Variants in LRFN5 observed in about 807,000 individuals in gnomAD.
The protein encoded by LRFN5 is leucine-rich repeat and fibronectin type-III domain-containing protein 5.
In LRFN5, 24 loss-of-function variants were observed where a neutral mutation model predicts 45.6. That is an observed-to-expected ratio of 0.53 (90% confidence interval 0.38 to 0.74). The LOEUF (loss-of-function observed/expected upper bound fraction) is 0.74. Ranked by LOEUF, LRFN5 falls within the 30% of genes least tolerant of loss-of-function variation. The pLI is 0.00. For missense variants in LRFN5, 776 were observed against 861.5 expected (o/e 0.90, Z 1.24); for synonymous variants, 340 against 313.8 (o/e 1.08, Z -0.88).
intron 1 of LRFN5, among the ~76,000 whole-genome samples, chr14:41,665,531 C>T (rs561122981): frequency 1.1e-3 from 174 of 151,834 alleles, no homozygotes; most frequent in Middle Eastern, 3.4e-3. Context: ...TATATGGGTA[C>T]GAAATTATAA....
At chr14:41,673,445 GC>G (rs1881353565) in intron 1 of LRFN5, among the ~76,000 whole-genome samples, 1 of 139,090 alleles carries the variant, frequency 7.2e-6, no homozygotes, top group African/African-American at 2.7e-5. Context: ...GGGCGGGGGG[GC>G]TGACCCCCCC....
chr14:41,665,672 C>T (rs1880862769), intron 1 of LRFN5, among the ~76,000 whole-genome samples: 1 of 151,958 alleles, frequency 6.6e-6, no homozygotes, highest in African/African-American at 2.4e-5. Flanking sequence ...ACATTTTTAA[C>T]ATAAATATAT....
At chr14:41,709,675 C>T (rs1369951396) in intron 1 of LRFN5, among the ~76,000 whole-genome samples, 1 of 152,024 alleles carries the variant, frequency 6.6e-6, no homozygotes, top group African/African-American at 2.4e-5. Context: ...ATTTTATTTA[C>T]TTGTATCTTC....
intron 4 of LRFN5, chr14:41,894,766 G>T (rs1317795638): frequency 2.0e-6 from 2 of 983,172 alleles, no homozygotes; most frequent in Non-Finnish European, 2.4e-6. Context: ...AGTAAGGTGT[G>T]GAAATAAGAA....
At chr14:41,630,049 G>T (rs1051270039) in intron 1 of LRFN5, among the ~76,000 whole-genome samples, 1 of 152,046 alleles carries the variant, frequency 6.6e-6, no homozygotes, top group African/African-American at 2.4e-5. Context: ...ACCTAGAAAG[G>T]TGCTTAAGAT....
intron 2 of LRFN5, among the ~76,000 whole-genome samples, chr14:41,851,573 A>G (rs764631661): frequency 6.6e-6 from 1 of 151,862 alleles, no homozygotes; most frequent in Admixed American, 6.6e-5. Context: ...ATTTAAATTA[A>G]ACATGTACAT....
intron 2 of LRFN5, among the ~76,000 whole-genome samples, chr14:41,835,934 A>T (rs12436629): frequency 0.49 from 58,077 of 117,598 alleles, 11,260 homozygotes; most frequent in Middle Eastern, 0.53. Context: ...CTTTTTTTTT[A>T]AAAAAAAAAA....
chr14:41,734,767 T>C (rs1385696717), intron 1 of LRFN5, among the ~76,000 whole-genome samples: 5 of 152,094 alleles, frequency 3.3e-5, no homozygotes, highest in Admixed American at 2.0e-4. Context: ...TGCATTTTGT[T>C]GAATTTCTGT....
At chr14:41,800,316 A>C (rs1887283536) in intron 2 of LRFN5, among the ~76,000 whole-genome samples, 1 of 152,106 alleles carries the variant, frequency 6.6e-6, no homozygotes, top group Admixed American at 6.6e-5. Flanking sequence ...AATGTCCTTA[A>C]GTTAAAGCTA....
chr14:41,756,284 CTG>C (rs1433392019), intron 1 of LRFN5, among the ~76,000 whole-genome samples: 2 of 152,130 alleles, frequency 1.3e-5, no homozygotes, highest in African/African-American at 4.8e-5. Flanking sequence ...GTGGCATTCT[CTG>C]TATTTACTGA....
chr14:41,858,953 A>G (rs1426943308), intron 2 of LRFN5, among the ~76,000 whole-genome samples: 1 of 152,162 alleles, frequency 6.6e-6, no homozygotes, highest in Admixed American at 6.5e-5. Context: ...GTAATGGTCT[A>G]TGTGGTCTTA....
At chr14:41,856,469 G>A (rs1365879358) in intron 2 of LRFN5, among the ~76,000 whole-genome samples, 1 of 151,832 alleles carries the variant, frequency 6.6e-6, no homozygotes, top group Non-Finnish European at 1.5e-5. Context: ...TTCCGTCAAG[G>A]AGTTAAAGCC....
intron 1 of LRFN5, among the ~76,000 whole-genome samples, chr14:41,609,898 T>C (rs1479865207): frequency 6.6e-6 from 1 of 152,200 alleles, no homozygotes; most frequent in Non-Finnish European, 1.5e-5. Context: ...TAGATATCCA[T>C]ATGATGGCAT....
At chr14:41,746,015 A>G (rs1884905264) in intron 1 of LRFN5, among the ~76,000 whole-genome samples, 1 of 152,058 alleles carries the variant, frequency 6.6e-6, no homozygotes. Flanking sequence ...GGCCACCATT[A>G]CCCTGGTAGC....
chr14:41,614,672 C>G (rs1887873233), intron 1 of LRFN5, among the ~76,000 whole-genome samples: 1 of 152,004 alleles, frequency 6.6e-6, no homozygotes, highest in Non-Finnish European at 1.5e-5. Flanking sequence ...ATTCTACCCC[C>G]CTTGGTCACA....
intron 2 of LRFN5, among the ~76,000 whole-genome samples, chr14:41,840,695 T>C (rs2139053224): frequency 6.6e-6 from 1 of 152,114 alleles, no homozygotes; most frequent in East Asian, 1.9e-4. Context: ...TATTATTTTA[T>C]AGGCCAGCTG....
At chr14:41,646,488 T>G (rs1879825221) in intron 1 of LRFN5, among the ~76,000 whole-genome samples, 1 of 152,150 alleles carries the variant, frequency 6.6e-6, no homozygotes, top group African/African-American at 2.4e-5. Context: ...AAGGGAGAAG[T>G]CTCAGGGACA....
At chr14:41,836,572 G>T (rs1388027225) in intron 2 of LRFN5, among the ~76,000 whole-genome samples, 1 of 152,080 alleles carries the variant, frequency 6.6e-6, no homozygotes, top group Non-Finnish European at 1.5e-5. Flanking sequence ...TGGGGAGTGG[G>T]GCCCAAAGCT....
rs150713203 is a variant in LRFN5, at chr14:41,790,112, C to A, written c.-21+23083C>A. Among the ~76,000 whole-genome samples, 317 of 151,976 alleles carry A rather than the reference C, an allele frequency of 2.1e-3. 3 individuals are homozygous for A. In the East Asian group the frequency reaches 0.03, roughly 15 times the overall value. ...AGATGTGGTATTATAAATTCTACTT[C>A]TTTGATGATTAAAGGACTATTCAGG... On this transcript the variant is annotated intron_variant, in intron 2 of 5. Transcript: ENST00000298119.
Sources: gnomAD v4.1 joint callset for allele counts (sites outside exome capture counted in the v4.1 genomes callset) on GRCh38, gnomAD v4.1.1 for gene constraint, MANE v1.5 for transcripts, NCBI Gene and HGNC (gene_info 2026-07-23, HGNC 2026-07-21) for gene names.